Variants in TMPRSS15 observed in about 807,000 individuals in gnomAD.
The protein encoded by TMPRSS15 is transmembrane serine protease 15, also known as enteropeptidase.
Under a neutral mutation model 125.3 loss-of-function variants are expected in TMPRSS15, and 128 were observed. That is an observed-to-expected ratio of 1.02 (90% CI 0.89 to 1.18). TMPRSS15 has a LOEUF of 1.18. Among genes scored for constraint, TMPRSS15 ranks in the 50% most tolerant of loss-of-function variants. TMPRSS15 has a pLI of 0.00. For synonymous variants in TMPRSS15, 446 were observed against 423.2 expected, an observed-to-expected ratio of 1.05 and a Z score of -0.66; for missense variants, 1,283 against 1,212.7, an observed-to-expected ratio of 1.06 and a Z score of -0.86.
intron 18 of TMPRSS15, among the ~76,000 whole-genome samples, chr21:18,312,172 T>A (rs202236281): frequency 1.3e-5 from 2 of 152,088 alleles, no homozygotes; most frequent in East Asian, 3.9e-4. Flanking sequence ...GGGTTAGAGT[T>A]GCCAGGTTGT....
At chr21:18,434,463 T>C (rs981302092) in intron 1 of TMPRSS15, among the ~76,000 whole-genome samples, 4 of 152,118 alleles carry the variant, frequency 2.6e-5, no homozygotes, top group Non-Finnish European at 5.9e-5. Context: ...TTTTCCTAGG[T>C]AATTTAATAT....
chr21:18,271,748 G>GC (rs1441654198), intron 24 of TMPRSS15, among the ~76,000 whole-genome samples: 2 of 152,058 alleles, frequency 1.3e-5, no homozygotes, highest in Middle Eastern at 3.4e-3. Context: ...TCCCCAACAG[G>GC]CCCTGGTGTG....
rs2074605454 is a variant in TMPRSS15 at position 18,275,249 on chromosome 21, G to A, written c.2852C>T (p.Thr951Ile). 6.2e-7 allele frequency: 1 copy of A among 1,613,874 alleles called. No individual in the cohort carries two copies. Among genetic ancestry groups the A allele is most frequent in the African/African-American group, 1.3e-5 (1 of 74,890 alleles). ...CQQQMPEYNI[T>I]ENMICAGYEE... ...ATAGCCTGCACATATCATATTTTCA[G>A]TAATGTTATATTCTGGCATCTGCTG... Residue 951 changes from threonine to isoleucine, a missense_variant, in exon 24 of 25, where the codon ACT (threonine) becomes ATT (isoleucine). Physicochemically the swap from Thr to Ile is moderately conservative, Grantham distance 89. Coordinates refer to ENST00000284885, the MANE Select transcript of TMPRSS15 (RefSeq NM_002772.3).
At chr21:18,466,210 T>C (rs982304914) in intron 1 of TMPRSS15, among the ~76,000 whole-genome samples, 2 of 152,204 alleles carry the variant, frequency 1.3e-5, no homozygotes, top group African/African-American at 4.8e-5. Context: ...GCTAGCCATA[T>C]GCAGAAAAGT....
chr21:18,369,385 A>C (rs894614787), intron 6 of TMPRSS15, among the ~76,000 whole-genome samples: 2 of 152,222 alleles, frequency 1.3e-5, no homozygotes, highest in Admixed American at 6.5e-5. Flanking sequence ...CAAAGAGTTA[A>C]GCATTGGCTT....
chr21:18,377,915 A>G (rs1204409626), intron 5 of TMPRSS15, among the ~76,000 whole-genome samples: 3 of 152,168 alleles, frequency 2.0e-5, no homozygotes, highest in African/African-American at 7.2e-5. Context: ...TTTAACAGGT[A>G]TGTCTTCAGA....
intron 1 of TMPRSS15, among the ~76,000 whole-genome samples, chr21:18,442,340 A>C (rs577212982): frequency 1.3e-5 from 2 of 152,212 alleles, no homozygotes; most frequent in Non-Finnish European, 2.9e-5. Flanking sequence ...ATTATCTACT[A>C]TAAGTAATAA....
intron 17 of TMPRSS15, among the ~76,000 whole-genome samples, chr21:18,313,351 A>ATG (rs575644491): frequency 0.012 from 1,613 of 129,220 alleles, 29 homozygotes; most frequent in African/African-American, 0.037. Flanking sequence ...CTCTCTCTCT[A>ATG]TATATATATA....
intron 10 of TMPRSS15, among the ~76,000 whole-genome samples, chr21:18,347,104 C>A (rs73194667): frequency 0.093 from 14,113 of 152,028 alleles, 831 homozygotes; most frequent in Non-Finnish European, 0.13. Context: ...AAAATCGTAT[C>A]AATTTTTTGA....
At chr21:18,305,476 C>T (rs569360783) in intron 18 of TMPRSS15, among the ~76,000 whole-genome samples, 1 of 152,320 alleles carries the variant, frequency 6.6e-6, no homozygotes, top group African/African-American at 2.4e-5. Context: ...GCGTGAGCCA[C>T]CACGCCCGGC....
At chr21:18,459,022 T>C (rs1978497284) in intron 1 of TMPRSS15, among the ~76,000 whole-genome samples, 1 of 152,200 alleles carries the variant, frequency 6.6e-6, no homozygotes, top group African/African-American at 2.4e-5. Flanking sequence ...TAGTCTAGCA[T>C]TTACGTTTAA....
At chr21:18,392,627 G>A (rs1440901232) in intron 3 of TMPRSS15, among the ~76,000 whole-genome samples, 2 of 151,990 alleles carry the variant, frequency 1.3e-5, no homozygotes, top group East Asian at 3.8e-4. Flanking sequence ...CACATTTTCG[G>A]TTATCTTTAT....
intron 1 of TMPRSS15, among the ~76,000 whole-genome samples, chr21:18,476,906 T>TC (rs1491183845): frequency 4.1e-5 from 5 of 122,606 alleles, no homozygotes; most frequent in Admixed American, 1.5e-4. Flanking sequence ...TCTCTCTCTC[T>TC]TTTTTTTTTT....
At chr21:18,404,740 T>C (rs1408737156), upstream of TMPRSS15, among the ~76,000 whole-genome samples, 1 of 152,090 alleles carries the variant, frequency 6.6e-6, no homozygotes, top group Non-Finnish European at 1.5e-5. Flanking sequence ...AATTGTGGCA[T>C]ATTATAATGG....
At chr21:18,300,288 C>T (rs1363373809) in intron 18 of TMPRSS15, among the ~76,000 whole-genome samples, 1 of 119,474 alleles carries the variant, frequency 8.4e-6, no homozygotes, top group African/African-American at 2.7e-5. Flanking sequence ...TTCTCTCTCT[C>T]TTTCTTTCTC....
At chr21:18,306,175 G>A in intron 18 of TMPRSS15, among the ~76,000 whole-genome samples, 1 of 151,996 alleles carries the variant, frequency 6.6e-6, no homozygotes, top group East Asian at 1.9e-4. Flanking sequence ...TGTCTGAGTT[G>A]TAATAAGTCA....
chr21:18,327,631 G>T (rs1053471826), intron 15 of TMPRSS15, among the ~76,000 whole-genome samples: 3 of 152,112 alleles, frequency 2.0e-5, no homozygotes, highest in Non-Finnish European at 2.9e-5. Context: ...TTGATTAGTT[G>T]CAGCATTCAT....
intron 1 of TMPRSS15, among the ~76,000 whole-genome samples, chr21:18,416,085 G>C (rs4816768): frequency 2.6e-5 from 4 of 151,754 alleles, no homozygotes; most frequent in African/African-American, 9.7e-5. Flanking sequence ...AGAAATAAGC[G>C]TGGGGGTGAA....
At chr21:18,443,480 GCATCCCCGGTCTCCCCA>G (rs1036715725) in intron 1 of TMPRSS15, among the ~76,000 whole-genome samples, 6 of 152,160 alleles carry the variant, frequency 3.9e-5, no homozygotes, top group African/African-American at 1.4e-4. Context: ...AATCCTCCTG[GCATCCCCGGTCTCCCCA>G]CTGCACTTCT....
Sources: gnomAD v4.1 joint callset for allele counts (sites outside exome capture counted in the v4.1 genomes callset) on GRCh38, gnomAD v4.1.1 for gene constraint, MANE v1.5 for transcripts, NCBI Gene and HGNC (gene_info 2026-07-23, HGNC 2026-07-21) for gene names.